The following PDGFC variants were observed in gnomAD, a reference collection of about 807,000 sequenced individuals.
PDGFC encodes platelet-derived growth factor C.
PDGFC carries 12 observed loss-of-function variants against 35.5 expected under a neutral mutation model. The ratio of observed to expected loss-of-function variants is 0.34; its 90% CI spans 0.22 to 0.55. The LOEUF is 0.55. Ranked by LOEUF, PDGFC falls within the 20% of genes least tolerant of loss-of-function variation. The pLI is 0.91. For synonymous variants in PDGFC, 159 were observed against 148.8 expected, an observed-to-expected ratio of 1.07 and a Z score of -0.50; for missense variants, 322 against 412.4, an observed-to-expected ratio of 0.78 and a Z score of 1.90.
intron 3 of PDGFC, among the ~76,000 whole-genome samples, chr4:156,780,187 A>C (rs1002807124): frequency 4.6e-5 from 7 of 151,662 alleles, no homozygotes; most frequent in African/African-American, 1.7e-4. Flanking sequence ...TAAAAGCTAA[A>C]ATAACGTCTA....
chr4:156,944,293 T>C (rs1028922875), intron 1 of PDGFC, among the ~76,000 whole-genome samples: 1 of 152,244 alleles, frequency 6.6e-6, no homozygotes, highest in East Asian at 1.9e-4. Flanking sequence ...ACACTGAGTA[T>C]GTCTTAGCTA....
intron 1 of PDGFC, among the ~76,000 whole-genome samples, chr4:156,874,798 C>T (rs937382730): frequency 4.6e-5 from 7 of 151,714 alleles, no homozygotes; most frequent in Admixed American, 1.3e-4. Flanking sequence ...CTCACTGCAA[C>T]CTCTACCTAT....
chr4:156,955,764 G>A (rs1008313232), intron 1 of PDGFC, among the ~76,000 whole-genome samples: 2 of 151,936 alleles, frequency 1.3e-5, no homozygotes, highest in Non-Finnish European at 2.9e-5. Flanking sequence ...AGCATCTCAT[G>A]AGTTTGCATC....
chr4:156,951,742 A>C (rs186912057), intron 1 of PDGFC, among the ~76,000 whole-genome samples: 72 of 151,482 alleles, frequency 4.8e-4, no homozygotes, highest in Middle Eastern at 3.4e-3. Context: ...AAAAAAAAAA[A>C]AAAACAAAAA....
chr4:156,929,925 A>G (rs918960473), intron 1 of PDGFC, among the ~76,000 whole-genome samples: 3 of 152,204 alleles, frequency 2.0e-5, no homozygotes, highest in Admixed American at 6.5e-5. Flanking sequence ...CCACACAAGT[A>G]GAAATGTTAA....
intron 2 of PDGFC, among the ~76,000 whole-genome samples, chr4:156,837,217 A>G (rs1729083993): frequency 6.6e-6 from 1 of 152,202 alleles, no homozygotes; most frequent in African/African-American, 2.4e-5. Flanking sequence ...TTTATTTTTA[A>G]TAATTAGTGT....
At chr4:156,958,975 A>G (rs1328530867) in intron 1 of PDGFC, among the ~76,000 whole-genome samples, 2 of 152,092 alleles carry the variant, frequency 1.3e-5, no homozygotes, top group African/African-American at 4.8e-5. Context: ...TTTACTTTAC[A>G]TAGTTGTAGT....
chr4:156,900,076 A>G (rs1388616740), intron 1 of PDGFC, among the ~76,000 whole-genome samples: 2 of 152,202 alleles, frequency 1.3e-5, no homozygotes, highest in Non-Finnish European at 2.9e-5. Context: ...AACTTGAATC[A>G]AAGATATGTG....
At chr4:156,792,535 A>G (rs1261089657) in intron 3 of PDGFC, among the ~76,000 whole-genome samples, 1 of 152,208 alleles carries the variant, frequency 6.6e-6, no homozygotes, top group Non-Finnish European at 1.5e-5. Flanking sequence ...AGCATCTCAC[A>G]AGCAAAATGT....
At chr4:156,906,935 TGG>T (rs1340619165) in intron 1 of PDGFC, among the ~76,000 whole-genome samples, 6 of 152,228 alleles carry the variant, frequency 3.9e-5, no homozygotes, top group Admixed American at 2.6e-4. Context: ...TCACCTTGCA[TGG>T]ATACACTGAT....
chr4:156,933,711 G>T (rs1731606885), intron 1 of PDGFC, among the ~76,000 whole-genome samples: 1 of 152,084 alleles, frequency 6.6e-6, no homozygotes, highest in African/African-American at 2.4e-5. Flanking sequence ...GGACCTAGTG[G>T]GAGGTGACTG....
intron 1 of PDGFC, among the ~76,000 whole-genome samples, chr4:156,881,470 G>C (rs1295605539): frequency 6.6e-6 from 1 of 152,092 alleles, no homozygotes; most frequent in East Asian, 1.9e-4. Context: ...ATTCCCACGT[G>C]TTGTGGGAGG....
At chr4:156,821,240 AT>A (rs1453523516) in intron 2 of PDGFC, among the ~76,000 whole-genome samples, 1 of 149,972 alleles carries the variant, frequency 6.7e-6, no homozygotes, top group Non-Finnish European at 1.5e-5. Context: ...TGAGTATACA[AT>A]TTTTTTTGAA....
At position 156,765,283 on chromosome 4, in the gene PDGFC, A is replaced by G. The variant is rs568631417; in HGVS notation, c.922-2077T>C. 7.2e-5 allele frequency among the ~76,000 whole-genome samples: 11 copies of G among 152,332 alleles called. No individual in the cohort carries two copies. The East Asian group carries it at 2.1e-3, about 29-fold the overall frequency. On this transcript the variant is annotated intron_variant, in intron 5 of 5. Coordinates refer to ENST00000502773, the MANE Select transcript of PDGFC (RefSeq NM_016205.3). The stretch of plus-strand genomic sequence containing the variant: ...AGACAATATTAAAGAGGAAAAGGAC[A>G]TAGATTATGCCACCAGAAAAGAAAC...
chr4:156,808,110 T>C (rs1266944599), intron 3 of PDGFC, among the ~76,000 whole-genome samples: 1 of 152,012 alleles, frequency 6.6e-6, no homozygotes, highest in African/African-American at 2.4e-5. Flanking sequence ...TCTACTGCGT[T>C]CCGGTTTATG....
chr4:156,944,183 G>A (rs12644414), intron 1 of PDGFC, among the ~76,000 whole-genome samples: 1 of 152,118 alleles, frequency 6.6e-6, no homozygotes, highest in African/African-American at 2.4e-5. Context: ...ATTCTTCTTA[G>A]ATTGGGATTA....
intron 2 of PDGFC, among the ~76,000 whole-genome samples, chr4:156,822,479 A>T (rs1732296410): frequency 1.3e-5 from 2 of 152,170 alleles, no homozygotes; most frequent in Non-Finnish European, 2.9e-5. Flanking sequence ...CTGAATGACA[A>T]AAAGGCATGA....
At chr4:156,970,563 AGTGGCACTCAC>A in intron 1 of PDGFC, among the ~76,000 whole-genome samples, 1 of 152,234 alleles carries the variant, frequency 6.6e-6, no homozygotes, top group African/African-American at 2.4e-5. Context: ...CTCACTCAGC[AGTGGCACTCAC>A]GTTGCCCTCT....
intron 1 of PDGFC, among the ~76,000 whole-genome samples, chr4:156,899,768 T>C (rs1484891123): frequency 6.6e-6 from 1 of 152,200 alleles, no homozygotes; most frequent in Non-Finnish European, 1.5e-5. Context: ...TGAGCTGAGA[T>C]TGTGCCATTG....
Sources: allele counts gnomAD v4.1 joint callset (sites outside exome capture counted in the v4.1 genomes callset), GRCh38; gene constraint gnomAD v4.1.1; transcripts MANE v1.5; gene names NCBI Gene and HGNC (gene_info 2026-07-23, HGNC 2026-07-21).